Variants in DGKB observed in about 807,000 individuals in gnomAD.
The protein encoded by DGKB is diacylglycerol kinase beta, also known as 90 kDa diacylglycerol kinase.
Under a neutral mutation model 114.3 loss-of-function variants are expected in DGKB, and 67 were observed. The ratio of observed to expected loss-of-function variants is 0.59; its 90% CI spans 0.48 to 0.72. The LOEUF (loss-of-function observed/expected upper bound fraction) is 0.72, where lower values mean the gene tolerates loss of function less well. Ranked by LOEUF, DGKB falls within the 30% of genes least tolerant of loss-of-function variation. DGKB has a pLI of 0.00. For missense variants in DGKB, 907 were observed against 975.2 expected (o/e 0.93, Z 0.93); for synonymous variants, 398 against 323.1 (o/e 1.23, Z -2.49).
chr7:14,314,059 G>A (rs1165038733), intron 23 of DGKB, among the ~76,000 whole-genome samples: 2 of 152,116 alleles, frequency 1.3e-5, no homozygotes, highest in Admixed American at 1.3e-4. Flanking sequence ...CAACAGACCT[G>A]CAGCTGAGGG....
At chr7:14,538,914 GCATCTGAAA>G (rs1344322421) in intron 20 of DGKB, among the ~76,000 whole-genome samples, 1 of 152,114 alleles carries the variant, frequency 6.6e-6, no homozygotes. Context: ...CTTACATGAT[GCATCTGAAA>G]CAGTCTCATG....
Position 14,306,844 on chromosome 7 carries a change from T to C in DGKB, c.2122+31671A>G, listed in dbSNP as rs556659096. On this transcript the variant is annotated intron_variant, in intron 23 of 25. Transcript: ENST00000402815. The stretch of plus-strand genomic sequence containing the variant: ...ATTTCATTGTGATTTCATGCTACGA[T>C]GCTTTTGGCTCTTCAAATGTGTCCT... Among the ~76,000 whole-genome samples the C allele has an allele frequency of 4.6e-5, 7 of 152,302 alleles. No homozygotes were observed. The South Asian group carries it at 1.4e-3, about 32-fold the overall frequency.
chr7:14,665,263 A>T (rs1817832541), intron 13 of DGKB, among the ~76,000 whole-genome samples: 1 of 151,986 alleles, frequency 6.6e-6, no homozygotes, highest in Non-Finnish European at 1.5e-5. Flanking sequence ...CATTTTCCTT[A>T]GGAAACTAAT....
intron 21 of DGKB, among the ~76,000 whole-genome samples, chr7:14,399,187 A>AGTG (rs1213840299): frequency 1.3e-5 from 2 of 151,928 alleles, no homozygotes; most frequent in East Asian, 3.9e-4. Flanking sequence ...CTAGAATAAA[A>AGTG]GTGGTCTAAA....
At chr7:14,898,963 T>A (rs1217271733) in intron 1 of DGKB, among the ~76,000 whole-genome samples, 1 of 152,176 alleles carries the variant, frequency 6.6e-6, no homozygotes, top group Non-Finnish European at 1.5e-5. Flanking sequence ...TTTCAAATTG[T>A]TGACTCAGAA....
intron 20 of DGKB, among the ~76,000 whole-genome samples, chr7:14,490,866 C>A (rs182460524): frequency 1.3e-5 from 2 of 151,902 alleles, no homozygotes; most frequent in Admixed American, 1.3e-4. Flanking sequence ...GACAAAATGA[C>A]AAAACTTTGT....
chr7:14,590,068 C>T lies in DGKB; in HGVS notation c.1434-6931G>A, dbSNP rs561705262. ...GAGATATACCTAATGCTAGATGACACGTTAGTGGGTGCAGCGCACCAGCAT... is the reference window on the plus strand; with the variant it reads ...GAGATATACCTAATGCTAGATGACATGTTAGTGGGTGCAGCGCACCAGCAT... On this transcript the variant is annotated intron_variant, in intron 17 of 25. Transcript: ENST00000402815. Among the ~76,000 whole-genome samples the T allele has an allele frequency of 1.5e-4, 22 of 151,114 alleles. 1 individual carries two copies. The South Asian group carries it at 3.3e-3, about 23-fold the overall frequency.
chr7:14,245,851 C>T (rs998350746), intron 23 of DGKB, among the ~76,000 whole-genome samples: 3 of 152,062 alleles, frequency 2.0e-5, no homozygotes, highest in African/African-American at 7.2e-5. Context: ...TTGCTTGAAC[C>T]CATGAGGTGG....
intron 23 of DGKB, among the ~76,000 whole-genome samples, chr7:14,277,786 G>A (rs774744127): frequency 2.6e-5 from 4 of 152,120 alleles, no homozygotes; most frequent in South Asian, 2.1e-4. Context: ...ATATATACCC[G>A]AGGTAGGATT....
intron 23 of DGKB, among the ~76,000 whole-genome samples, chr7:14,189,214 A>G (rs1783943987): frequency 6.6e-6 from 1 of 152,216 alleles, no homozygotes; most frequent in South Asian, 2.1e-4. Context: ...AAGAATTACA[A>G]TTAATGGCAA....
intron 25 of DGKB, among the ~76,000 whole-genome samples, chr7:14,165,118 T>C (rs780710155): frequency 1.3e-5 from 2 of 152,158 alleles, no homozygotes; most frequent in Non-Finnish European, 2.9e-5. Flanking sequence ...TCCTTACAGA[T>C]ATCCCAGAAA....
intron 21 of DGKB, among the ~76,000 whole-genome samples, chr7:14,462,521 A>C (rs1457014997): frequency 6.6e-6 from 1 of 152,178 alleles, no homozygotes; most frequent in Non-Finnish European, 1.5e-5. Context: ...AAAGAATAAA[A>C]TACCTAGGAA....
At chr7:14,883,199 A>G (rs933880602) in intron 1 of DGKB, among the ~76,000 whole-genome samples, 1 of 151,976 alleles carries the variant, frequency 6.6e-6, no homozygotes, top group Admixed American at 6.6e-5. Flanking sequence ...TGCCTAACTT[A>G]GATTTGTAAT....
At position 14,383,256 on chromosome 7, in the gene DGKB, T is replaced by C. The variant is rs80062579; in HGVS notation, c.1836-37865A>G. Among the ~76,000 whole-genome samples the C allele has an allele frequency of 3.4e-3, 514 of 152,302 alleles. 1 individual carries two copies. The highest frequency in any genetic ancestry group is 0.012 in the African/African-American group (486 of 41,564). ...TCTGCACACCTTTTTTAGGGGGGAC[T>C]GATGCCTGGTTATATCTGCGGTACA... is the stretch of plus-strand genomic sequence containing the variant. On this transcript the variant is annotated intron_variant, in intron 21 of 25. Coordinates refer to ENST00000402815, the MANE Select transcript of DGKB (RefSeq NM_001350709.2).
intron 21 of DGKB, among the ~76,000 whole-genome samples, chr7:14,365,226 A>G (rs1816465165): frequency 6.6e-6 from 1 of 152,070 alleles, no homozygotes; most frequent in South Asian, 2.1e-4. Context: ...TTAGGGCAGA[A>G]AAGTTTTGCA....
intron 1 of DGKB, among the ~76,000 whole-genome samples, chr7:14,966,677 TGA>T (rs1787169645): frequency 6.6e-6 from 1 of 152,070 alleles, no homozygotes; most frequent in African/African-American, 2.4e-5. Flanking sequence ...ACTGACCAGA[TGA>T]GAGATTTGTT....
At chr7:14,896,449 T>G (rs1782114033) in intron 1 of DGKB, among the ~76,000 whole-genome samples, 1 of 151,616 alleles carries the variant, frequency 6.6e-6, no homozygotes, top group Non-Finnish European at 1.5e-5. Flanking sequence ...TAATAATATT[T>G]AATAAATTTT....
intron 21 of DGKB, among the ~76,000 whole-genome samples, chr7:14,431,744 ATGT>A (rs565837484): frequency 1.2e-4 from 18 of 152,272 alleles, no homozygotes; most frequent in African/African-American, 4.3e-4. Context: ...AGTTTTATCT[ATGT>A]TATTATAGAA....
At chr7:14,542,343 CCTT>C (rs1252595786) in intron 20 of DGKB, among the ~76,000 whole-genome samples, 1 of 152,042 alleles carries the variant, frequency 6.6e-6, no homozygotes, top group Admixed American at 6.6e-5. Flanking sequence ...AGGATCATCT[CCTT>C]CTCCTCTGCA....
Sources: allele counts gnomAD v4.1 joint callset (sites outside exome capture counted in the v4.1 genomes callset), GRCh38; gene constraint gnomAD v4.1.1; transcripts MANE v1.5; gene names NCBI Gene and HGNC (gene_info 2026-07-23, HGNC 2026-07-21).